The following EYS variants were observed in gnomAD, a reference collection of about 807,000 sequenced individuals.
The protein encoded by EYS is protein eyes shut homolog.
In EYS, 250 loss-of-function variants were observed where a neutral mutation model predicts 282.1. The ratio of observed to expected loss-of-function variants is 0.89; its 90% CI spans 0.80 to 0.98. The LOEUF (loss-of-function observed/expected upper bound fraction) is 0.98, where lower values mean the gene tolerates loss of function less well. Among genes scored for constraint, EYS ranks in the 50% least tolerant of loss-of-function variants. EYS has a pLI of 0.00. For missense variants in EYS, 4,016 were observed against 3,709.0 expected (o/e 1.08, Z -2.15); for synonymous variants, 1,355 against 1,282.9 (o/e 1.06, Z -1.20).
chr6:64,491,600 C>T (rs562683523), intron 26 of EYS, among the ~76,000 whole-genome samples: 32 of 150,974 alleles, frequency 2.1e-4, no homozygotes, highest in African/African-American at 4.1e-4. Context: ...TCAACTTTAA[C>T]GGCTAATGTA....
At chr6:64,522,492 C>G (rs1239594056) in intron 26 of EYS, among the ~76,000 whole-genome samples, 1 of 151,586 alleles carries the variant, frequency 6.6e-6, no homozygotes, top group African/African-American at 2.4e-5. Context: ...TGAAGGGAAT[C>G]CTAGGTGGTG....
chr6:63,934,248 C>A (rs536709148), intron 35 of EYS, among the ~76,000 whole-genome samples: 1 of 152,278 alleles, frequency 6.6e-6, no homozygotes, highest in Admixed American at 6.5e-5. Flanking sequence ...AATCAGGAAA[C>A]AACAGGTGCT....
chr6:65,027,136 T>G (rs1447106313), intron 13 of EYS, among the ~76,000 whole-genome samples: 1 of 152,060 alleles, frequency 6.6e-6, no homozygotes, highest in Non-Finnish European at 1.5e-5. Context: ...TATACCTCAG[T>G]AAGAAACAAA....
intron 30 of EYS, among the ~76,000 whole-genome samples, chr6:64,296,555 T>C (rs1333919042): frequency 5.6e-4 from 3 of 5,378 alleles, no homozygotes; most frequent in Non-Finnish European, 1.0e-3. Flanking sequence ...TATATATATA[T>C]ATATATATAT....
chr6:65,263,962 A>G (rs950799657), intron 12 of EYS, among the ~76,000 whole-genome samples: 1 of 152,062 alleles, frequency 6.6e-6, no homozygotes, highest in African/African-American at 2.4e-5. Context: ...AGTCAAGAGA[A>G]TAGGAAAAAA....
chr6:65,077,955 G>A (rs867338857), intron 12 of EYS, among the ~76,000 whole-genome samples: 1 of 152,178 alleles, frequency 6.6e-6, no homozygotes, highest in African/African-American at 2.4e-5. Context: ...AACAAGCAAT[G>A]CTTAATATTC....
rs114226743 is a variant in EYS at position 64,283,625 on chromosome 6, A to G, written c.6191+23345T>C. Among the ~76,000 whole-genome samples, 1,466 of 152,286 alleles carry G rather than the reference A, an allele frequency of 9.6e-3. 21 individuals are homozygous for G. Among genetic ancestry groups the G allele is most frequent in the African/African-American group, 0.03 (1,261 of 41,552 alleles). On this transcript the variant is annotated intron_variant, in intron 30 of 42. Coordinates refer to ENST00000503581, the MANE Select transcript of EYS (RefSeq NM_001142800.2). The stretch of plus-strand genomic sequence containing the variant: ...CAAGCTGGAGGGAAATCCTAGTTCT[A>G]TCTTATAACAGGGGTATGCTTTTGG...
At chr6:65,152,838 A>T (rs961891813) in intron 12 of EYS, among the ~76,000 whole-genome samples, 1 of 151,592 alleles carries the variant, frequency 6.6e-6, no homozygotes, top group African/African-American at 2.4e-5. Context: ...TTAAAATATA[A>T]ATAAATATTT....
At chr6:63,756,834 G>T (rs1216289870) in intron 41 of EYS, among the ~76,000 whole-genome samples, 1 of 152,042 alleles carries the variant, frequency 6.6e-6, no homozygotes, top group African/African-American at 2.4e-5. Flanking sequence ...AGGTTTCATG[G>T]ACATTTATCA....
chr6:64,191,896 A>G (rs1765124744), intron 31 of EYS, among the ~76,000 whole-genome samples: 2 of 150,380 alleles, frequency 1.3e-5, no homozygotes, highest in Non-Finnish European at 3.0e-5. Context: ...TCCCTGAGGA[A>G]TCGCCACACT....
At chr6:65,526,410 A>C (rs1321820803) in intron 2 of EYS, among the ~76,000 whole-genome samples, 2 of 152,020 alleles carry the variant, frequency 1.3e-5, no homozygotes, top group Admixed American at 1.3e-4. Flanking sequence ...AGATGCCATC[A>C]CTCTTCTTAT....
At chr6:64,088,873 T>C (rs556644414) in intron 31 of EYS, among the ~76,000 whole-genome samples, 1 of 152,128 alleles carries the variant, frequency 6.6e-6, no homozygotes, top group South Asian at 2.1e-4. Context: ...ATAAAGGCCT[T>C]CTATTAGCTA....
intron 35 of EYS, among the ~76,000 whole-genome samples, chr6:63,969,150 C>T (rs1766439471): frequency 2.0e-5 from 3 of 152,072 alleles, no homozygotes. Flanking sequence ...CCTCATCCCC[C>T]CCTTAAGCTT....
chr6:65,487,085 G>C (rs918539306), intron 5 of EYS, among the ~76,000 whole-genome samples: 1 of 152,154 alleles, frequency 6.6e-6, no homozygotes, highest in African/African-American at 2.4e-5. Context: ...CTCAGACAAT[G>C]GGGTTTTCTA....
At chr6:64,125,154 G>GCGCGCGCGCGCGCTCTCTCTCTC (rs1773724746) in intron 31 of EYS, among the ~76,000 whole-genome samples, 4 of 145,334 alleles carry the variant, frequency 2.8e-5, no homozygotes, top group African/African-American at 1.0e-4. Flanking sequence ...CACACTCTCT[G>GCGCGCGCGCGCGCTCTCTCTCTC]TCTCTCTCTC....
intron 12 of EYS, among the ~76,000 whole-genome samples, chr6:65,065,037 T>A (rs2150162055): frequency 6.6e-6 from 1 of 152,190 alleles, no homozygotes; most frequent in East Asian, 1.9e-4. Flanking sequence ...GATCTGATTC[T>A]TTGTGTGAGT....
intron 12 of EYS, among the ~76,000 whole-genome samples, chr6:65,230,872 C>G (rs1304128119): frequency 2.0e-5 from 3 of 151,126 alleles, no homozygotes; most frequent in Admixed American, 6.6e-5. Context: ...ATGGCATGCT[C>G]TTAATTGTAC....
chr6:65,026,320 T>C lies in EYS; in HGVS notation c.2138-28617A>G, dbSNP rs551212929. 1.1e-4 allele frequency among the ~76,000 whole-genome samples: 17 copies of C among 152,310 alleles called. No homozygotes were observed. The East Asian group carries it at 3.1e-3, about 28-fold the overall frequency. On this transcript the variant is annotated intron_variant, in intron 13 of 42. Transcript: ENST00000503581. Reference sequence around the variant, plus strand: ...TCTCCAGAAAATAACTAAATGAAGATTGTTTAGAATTTAACAATTAGAGTT... The same window carrying C: ...TCTCCAGAAAATAACTAAATGAAGACTGTTTAGAATTTAACAATTAGAGTT...
chr6:63,813,105 A>G (rs1771090466), intron 36 of EYS, among the ~76,000 whole-genome samples: 1 of 152,076 alleles, frequency 6.6e-6, no homozygotes, highest in Admixed American at 6.6e-5. Context: ...CAGCCTCCCA[A>G]GTAGCTGGGA....
Sources: gnomAD v4.1 joint callset for allele counts (sites outside exome capture counted in the v4.1 genomes callset) on GRCh38, gnomAD v4.1.1 for gene constraint, MANE v1.5 for transcripts, NCBI Gene and HGNC (gene_info 2026-07-23, HGNC 2026-07-21) for gene names.